Variants in PAX7 observed in about 807,000 individuals in gnomAD.
PAX7 encodes paired box protein Pax-7.
Under a neutral mutation model 50.7 loss-of-function variants are expected in PAX7, and 18 were observed. The observed-to-expected ratio is 0.36, with a 90% CI of 0.25 to 0.53. The LOEUF (loss-of-function observed/expected upper bound fraction) is 0.53. PAX7 is among the 20% of genes least tolerant of loss of function. PAX7 has a pLI of 0.93. For synonymous variants in PAX7, 310 were observed against 290.4 expected (o/e 1.07, Z -0.69); for missense variants, 644 against 702.9 (o/e 0.92, Z 0.95).
chr1:18,716,498 T>TTTGTTG (rs2089421524), intron 7 of PAX7, among the ~76,000 whole-genome samples: 1 of 52,880 alleles, frequency 1.9e-5, no homozygotes, highest in Non-Finnish European at 4.2e-5. Context: ...CTGTTTGTTG[T>TTTGTTG]TTTTTGTTTT....
chr1:18,678,217 G>A (rs141261935), intron 4 of PAX7, among the ~76,000 whole-genome samples: 2 of 152,168 alleles, frequency 1.3e-5, no homozygotes, highest in East Asian at 1.9e-4. Context: ...TTCGTGACAA[G>A]CCTGACCAAC....
intron 7 of PAX7, among the ~76,000 whole-genome samples, chr1:18,716,567 C>T (rs1374648687): frequency 2.6e-5 from 4 of 151,456 alleles, no homozygotes; most frequent in South Asian, 4.2e-4. Context: ...TTCCTCTTTT[C>T]TCCCTTCGCG....
intron 7 of PAX7, among the ~76,000 whole-genome samples, chr1:18,704,847 C>G (rs747726037): frequency 2.6e-5 from 4 of 152,082 alleles, no homozygotes; most frequent in Non-Finnish European, 4.4e-5. Flanking sequence ...ATGGGAAAAC[C>G]CTTGAGTAAG....
intron 4 of PAX7, among the ~76,000 whole-genome samples, chr1:18,642,468 G>C (rs1415298729): frequency 3.9e-5 from 6 of 152,196 alleles, no homozygotes; most frequent in Admixed American, 1.3e-4. Flanking sequence ...GGGCCTTGAA[G>C]GCCATGACTA....
chr1:18,634,602 C>A lies in PAX7; in HGVS notation c.321+64C>A. The A allele has an allele frequency of 2.9e-6, 4 of 1,377,316 alleles. No homozygotes were observed. Among genetic ancestry groups the A allele is most frequent in the South Asian group, 1.2e-5 (1 of 82,468 alleles). The allele number at this position is 1,377,316 out of a possible 1,614,324, so 85.3% of individuals were successfully genotyped here. A position where few individuals can be genotyped will look rare whatever the true frequency, so the allele number is the denominator to read the frequency against. On this transcript the variant is annotated intron_variant, in intron 2 of 8. Transcript: ENST00000420770. This position sits in a 1 kb window ranked among gnomAD's most constrained non-coding sequence, Gnocchi z 4.0. The stretch of plus-strand genomic sequence containing the variant: ...TATAGTCGGGGGCTCCTGGTTGTGG[C>A]CCCTCTTACTACCTCGTGGCACCAG...
In PAX7 at chr1:18,634,621, G is replaced by A; in HGVS notation, c.321+83G>A. 9 of 1,108,480 alleles carry A rather than the reference G, an allele frequency of 8.1e-6. No individual in the cohort carries two copies. Among genetic ancestry groups the A allele is most frequent in the Non-Finnish European group, 1.1e-5 (8 of 748,974 alleles). 68.7% of individuals were successfully genotyped at this position (1,108,480 alleles called of 1,614,324 possible). On this transcript the variant is annotated intron_variant, in intron 2 of 8. Coordinates refer to ENST00000420770, the MANE Select transcript of PAX7 (RefSeq NM_001135254.2). This position sits in a 1 kb window ranked among gnomAD's most constrained non-coding sequence, Gnocchi z 4.0. Reference sequence around the variant, plus strand: ...TTGTGGCCCCTCTTACTACCTCGTGGCACCAGGCTGTAGGAAAGTACAGCT... The same window carrying A: ...TTGTGGCCCCTCTTACTACCTCGTGACACCAGGCTGTAGGAAAGTACAGCT...
At chr1:18,661,262 A>T (rs1017721693) in intron 4 of PAX7, among the ~76,000 whole-genome samples, 3 of 152,156 alleles carry the variant, frequency 2.0e-5, no homozygotes, top group African/African-American at 7.2e-5. Flanking sequence ...AGTAGGGGGC[A>T]TAGGGGCTGT....
At position 18,745,138 on chromosome 1, in the gene PAX7, T is replaced by G. The variant is rs1931378730; in HGVS notation, c.*209T>G. On this transcript the variant is annotated 3_prime_UTR_variant, in exon 9 of 9. Coordinates refer to ENST00000420770, the MANE Select transcript of PAX7 (RefSeq NM_001135254.2). ...CCAGAGTGATGCCCTTGGAGTCTGC[T>G]CCCCACTTTCCCCAAGGAGGGTTTC... 5 of 573,230 alleles carry G rather than the reference T, an allele frequency of 8.7e-6. No homozygotes were observed. The highest frequency in any genetic ancestry group is 1.2e-5 in the Non-Finnish European group (4 of 321,158). 35.5% of individuals were successfully genotyped at this position (573,230 alleles called of 1,614,324 possible). A position where few individuals can be genotyped will look rare whatever the true frequency, so the allele number is the denominator to read the frequency against.
intron 4 of PAX7, among the ~76,000 whole-genome samples, chr1:18,673,685 T>C (rs2088785431): frequency 6.6e-6 from 1 of 152,200 alleles, no homozygotes; most frequent in South Asian, 2.1e-4. Flanking sequence ...GGATTTTAAC[T>C]CCTTTAAAAA....
chr1:18,649,174 G>C (rs1570120840), intron 4 of PAX7, among the ~76,000 whole-genome samples: 1 of 152,168 alleles, frequency 6.6e-6, no homozygotes. Context: ...GCCAATGGAG[G>C]GGAAGGCCAC....
intron 4 of PAX7, among the ~76,000 whole-genome samples, chr1:18,661,647 T>C (rs1455366197): frequency 1.3e-5 from 2 of 152,204 alleles, no homozygotes; most frequent in African/African-American, 2.4e-5. Flanking sequence ...AAGCCACGTG[T>C]GGTGCCTGGC....
At chr1:18,659,138 A>T (rs1389133717) in intron 4 of PAX7, among the ~76,000 whole-genome samples, 1 of 152,180 alleles carries the variant, frequency 6.6e-6, no homozygotes, top group East Asian at 1.9e-4. Context: ...CTGCAGATTC[A>T]CTGTCCTAGT....
chr1:18,696,370 A>G (rs986636633), intron 5 of PAX7, among the ~76,000 whole-genome samples: 1 of 152,092 alleles, frequency 6.6e-6, no homozygotes, highest in Non-Finnish European at 1.5e-5. Context: ...CCCAGCCTTC[A>G]TGGTGCATTT....
intron 7 of PAX7, among the ~76,000 whole-genome samples, chr1:18,727,086 TACTC>T (rs1418789360): frequency 6.6e-6 from 1 of 151,834 alleles, no homozygotes; most frequent in Non-Finnish European, 1.5e-5. Context: ...GCACACACAA[TACTC>T]ACAGAAACAC....
intron 7 of PAX7, among the ~76,000 whole-genome samples, chr1:18,733,155 A>G (rs2089667652): frequency 1.3e-5 from 1 of 74,490 alleles, no homozygotes; most frequent in Non-Finnish European, 4.0e-5. Flanking sequence ...CTCCTCCCCA[A>G]GCCCCTTAGC....
chr1:18,676,835 A>G lies in PAX7; in HGVS notation c.587-14919A>G, dbSNP rs757544738. 2.3e-4 allele frequency among the ~76,000 whole-genome samples: 35 copies of G among 152,180 alleles called. 1 individual carries two copies. The highest frequency in any genetic ancestry group is 4.6e-4 in the Non-Finnish European group (31 of 68,038). On this transcript the variant is annotated intron_variant, in intron 4 of 8. Transcript: ENST00000420770. ...TGCCTGGCACTGTCCTGAACCCTGA[A>G]GGTGGAGTTTATCCATCAGATACAG...
chr1:18,720,140 C>T (rs921323043), intron 7 of PAX7, among the ~76,000 whole-genome samples: 2 of 152,200 alleles, frequency 1.3e-5, no homozygotes, highest in African/African-American at 4.8e-5. Context: ...CTGTTCTGCA[C>T]TTTAACGAGG....
At chr1:18,667,255 G>A (rs2088681356) in intron 4 of PAX7, among the ~76,000 whole-genome samples, 1 of 152,082 alleles carries the variant, frequency 6.6e-6, no homozygotes, top group African/African-American at 2.4e-5. Flanking sequence ...TGCCCCCTCA[G>A]AAGTTCTGGG....
chr1:18,676,248 A>T (rs745535825), intron 4 of PAX7, among the ~76,000 whole-genome samples: 1 of 152,006 alleles, frequency 6.6e-6, no homozygotes, highest in Non-Finnish European at 1.5e-5. Context: ...TCTTTCCCAG[A>T]GTGTTGCAAA....
Sources: gnomAD v4.1 joint callset for allele counts (sites outside exome capture counted in the v4.1 genomes callset) on GRCh38, gnomAD v4.1.1 for gene constraint, Gnocchi (gnomAD v3.1) non-coding constraint, MANE v1.5 for transcripts, NCBI Gene and HGNC (gene_info 2026-07-23, HGNC 2026-07-21) for gene names.